GBF1: variants seen among roughly 807,000 people sequenced by gnomAD.
The protein encoded by GBF1 is Golgi-specific brefeldin A-resistance guanine nucleotide exchange factor 1.
GBF1 carries 114 observed loss-of-function variants against 210.5 expected under a neutral mutation model. The observed-to-expected ratio is 0.54, with a 90% CI of 0.47 to 0.63. The LOEUF (loss-of-function observed/expected upper bound fraction) is 0.63. Ranked by LOEUF, GBF1 falls within the 30% of genes least tolerant of loss-of-function variation. GBF1 has a pLI of 0.00. For synonymous variants in GBF1, 850 were observed against 889.2 expected (o/e 0.96, Z 0.78); for missense variants, 1,851 against 2,357.7 (o/e 0.79, Z 4.45).
chr10:102,331,719 C>T (rs950734762), intron 3 of GBF1, among the ~76,000 whole-genome samples: 21 of 151,994 alleles, frequency 1.4e-4, no homozygotes, highest in African/African-American at 4.8e-4. Context: ...CTCACTCTGT[C>T]GCCCAGACTG....
intron 3 of GBF1, among the ~76,000 whole-genome samples, chr10:102,282,503 G>A (rs1339591578): frequency 6.6e-6 from 1 of 152,176 alleles, no homozygotes; most frequent in Non-Finnish European, 1.5e-5. Context: ...GGTGAGTCTA[G>A]CTTGTTCCTG....
At chr10:102,232,404 C>T in the GBF1 span, among the ~76,000 whole-genome samples, 2 of 152,146 alleles carry the variant, frequency 1.3e-5, no homozygotes, top group African/African-American at 2.4e-5. Flanking sequence ...GACTATAGGC[C>T]GGGCGCAGTG....
In GBF1 at chr10:102,375,597, C is replaced by T; in HGVS notation, c.3886+13C>T. On this transcript the variant is annotated intron_variant, in intron 30 of 39. Transcript: ENST00000369983. ...GCACCTGATGCCGGTAAGCCCTTTCCCAGGGAGACTCAGGCTGGCAGATAA... is the reference window on the plus strand; with the variant it reads ...GCACCTGATGCCGGTAAGCCCTTTCTCAGGGAGACTCAGGCTGGCAGATAA... The T allele has an allele frequency of 6.4e-7, 1 of 1,551,522 alleles. No homozygotes were observed. The highest frequency in any genetic ancestry group is 8.9e-7 in the Non-Finnish European group (1 of 1,124,284).
chr10:102,246,254 G>T (rs1437593079), intron 1 of GBF1, among the ~76,000 whole-genome samples: 2 of 152,168 alleles, frequency 1.3e-5, no homozygotes, highest in African/African-American at 2.4e-5. Context: ...TAATAATGAT[G>T]AACTAGTGCA....
chr10:102,235,051 C>T, the GBF1 span, among the ~76,000 whole-genome samples: 3 of 152,142 alleles, frequency 2.0e-5, no homozygotes, highest in Admixed American at 6.5e-5. Flanking sequence ...CAAACACACA[C>T]TCTCCCACAC....
At chr10:102,361,978 T>A in intron 14 of GBF1, 66 bp downstream of exon 14, 1 of 893,006 alleles carries the variant, frequency 1.1e-6, no homozygotes, top group Non-Finnish European at 1.7e-6. Flanking sequence ...CTGGTGGTAG[T>A]GAGGATGTTA....
rs1342205803 is a variant in GBF1 at position 102,366,244 on chromosome 10, A to G, written c.2310-139A>G. 1.1e-5 allele frequency: 9 copies of G among 787,330 alleles called. No homozygotes were observed. The highest frequency in any genetic ancestry group is 1.7e-5 in the Non-Finnish European group (8 of 475,178). The allele number at this position is 787,330 out of a possible 1,614,324, so 48.8% of individuals were successfully genotyped here. A position where few individuals can be genotyped will look rare whatever the true frequency, so the allele number is the denominator to read the frequency against. Reference sequence around the variant, plus strand: ...AAGGCTAGGGGTTGTGTTAGGGATGAACAGGAGATACTGCCCCTTTACTAG... The same window carrying G: ...AAGGCTAGGGGTTGTGTTAGGGATGGACAGGAGATACTGCCCCTTTACTAG... On this transcript the variant is annotated intron_variant, in intron 18 of 39. Coordinates refer to ENST00000369983, the MANE Select transcript of GBF1 (RefSeq NM_001377137.1). The surrounding 1 kb of genome is among the most constrained non-coding windows in gnomAD (Gnocchi z 4.0).
intron 4 of GBF1, among the ~76,000 whole-genome samples, chr10:102,347,077 T>G (rs1457181858): frequency 1.3e-5 from 2 of 152,206 alleles, no homozygotes; most frequent in African/African-American, 4.8e-5. Context: ...ATTTGGGAAT[T>G]CATTTTCCCT....
chr10:102,266,979 T>C (rs751466788), intron 3 of GBF1, among the ~76,000 whole-genome samples: 3 of 152,224 alleles, frequency 2.0e-5, no homozygotes, highest in Non-Finnish European at 4.4e-5. Flanking sequence ...TGAGTCCATC[T>C]AACCTCCAGA....
At chr10:102,331,203 A>G (rs1310378405) in intron 3 of GBF1, among the ~76,000 whole-genome samples, 1 of 152,070 alleles carries the variant, frequency 6.6e-6, no homozygotes, top group Non-Finnish European at 1.5e-5. Context: ...CAAGCCAGAG[A>G]GCATATATAG....
At chr10:102,245,009 A>C (rs556890814), upstream of GBF1, among the ~76,000 whole-genome samples, 1 of 152,274 alleles carries the variant, frequency 6.6e-6, no homozygotes, top group African/African-American at 2.4e-5. Context: ...GAGGGCGAGG[A>C]GAGCAGGGTG....
At chr10:102,308,416 A>C (rs2078111512) in intron 3 of GBF1, among the ~76,000 whole-genome samples, 1 of 152,184 alleles carries the variant, frequency 6.6e-6, no homozygotes, top group Admixed American at 6.5e-5. Flanking sequence ...CTATAAAGAC[A>C]CACGCACACG....
At chr10:102,231,371 A>G in the GBF1 span, among the ~76,000 whole-genome samples, 1 of 152,100 alleles carries the variant, frequency 6.6e-6, no homozygotes, top group Non-Finnish European at 1.5e-5. Flanking sequence ...AGACGGTGTC[A>G]GGGCCGAAGA....
At chr10:102,287,344 C>CTTTTTTTTTTTTTTTTT (rs763880492) in intron 3 of GBF1, among the ~76,000 whole-genome samples, 3 of 69,524 alleles carry the variant, frequency 4.3e-5, no homozygotes, top group African/African-American at 6.8e-5. Context: ...ATTTTATTTT[C>CTTTTTTTTTTTTTTTTT]TTTTTTTTTT....
chr10:102,269,196 C>T (rs1462136381), intron 3 of GBF1, among the ~76,000 whole-genome samples: 1 of 152,232 alleles, frequency 6.6e-6, no homozygotes, highest in Non-Finnish European at 1.5e-5. Flanking sequence ...CACATGTGCA[C>T]AGATCACAAC....
chr10:102,376,992 G>A lies in GBF1; in HGVS notation c.4346G>A (p.Arg1449His), dbSNP rs898360276. 1.1e-5 allele frequency: 18 copies of A among 1,614,030 alleles called. No homozygotes were observed. Among genetic ancestry groups the A allele is most frequent in the African/African-American group, 6.7e-5 (5 of 74,920 alleles). The stretch of plus-strand genomic sequence containing the variant: ...CACAAATATGACAGCAAAGGGAACC[G>A]CTTCAAGAAGAAATCCAAAGAGGGA... ...KSHKYDSKGN[R>H]FKKKSKEGSM... is the part of the protein sequence containing the mutation. The change falls in exon 33 of 40, where the codon CGC becomes CAC. Residue 1449 changes from arginine to histidine, a missense_variant. Arg to His is a conservative substitution (Grantham distance 29, BLOSUM62 0). Transcript: ENST00000369983.
At chr10:102,362,035 AT>A (rs2059632516) in intron 14 of GBF1, 123 bp downstream of exon 14, 1 of 362,028 alleles carries the variant, frequency 2.8e-6, no homozygotes, top group Non-Finnish European at 4.8e-6. Flanking sequence ...GAAGAAAGGC[AT>A]TTTCTTTTCT....
At chr10:102,370,088 ACT>A (rs1380192519) in intron 26 of GBF1, 84 bp from the exon 27 acceptor site, 23 of 1,528,898 alleles carry the variant, frequency 1.5e-5, no homozygotes, top group Non-Finnish European at 1.9e-5. Context: ...ACCAGGGCTG[ACT>A]CTGCCCTCTC....
In GBF1 at chr10:102,363,236, A is replaced by G. The variant is rs1565162997; in HGVS notation, c.1877-20A>G. ...CTTCATACCCTATAAGTCTTCACGT[A>G]TCTTCTTCTCTCTTACCAGCTGAGA... On this transcript the variant is annotated intron_variant, in intron 15 of 39. Transcript: ENST00000369983. The surrounding 1 kb of genome is among the most constrained non-coding windows in gnomAD (Gnocchi z 4.2). 2 of 1,603,808 alleles carry G rather than the reference A, an allele frequency of 1.2e-6. No individual in the cohort carries two copies. The highest frequency in any genetic ancestry group is 1.7e-5 in the Admixed American group (1 of 59,384).
Sources: gnomAD v4.1 joint callset for allele counts (sites outside exome capture counted in the v4.1 genomes callset) on GRCh38, gnomAD v4.1.1 for gene constraint, Gnocchi (gnomAD v3.1) non-coding constraint, MANE v1.5 for transcripts, NCBI Gene and HGNC (gene_info 2026-07-23, HGNC 2026-07-21) for gene names.